Variants in SAMD12 observed in about 807,000 individuals in gnomAD.
SAMD12 encodes sterile alpha motif domain-containing protein 12.
A neutral mutation model predicts 15.0 loss-of-function variants in SAMD12; 9 were observed. The observed-to-expected ratio is 0.60, with a 90% CI of 0.36 to 1.05. The LOEUF (loss-of-function observed/expected upper bound fraction) is 1.05. Among genes scored for constraint, SAMD12 ranks in the 50% least tolerant of loss-of-function variants. The pLI is 0.01. For missense variants in SAMD12, 230 were observed against 234.2 expected, an observed-to-expected ratio of 0.98 and a Z score of 0.12; for synonymous variants, 86 against 90.1, an observed-to-expected ratio of 0.96 and a Z score of 0.25.
intron 4 of SAMD12, among the ~76,000 whole-genome samples, chr8:118,258,989 G>T (rs898733153): frequency 6.6e-6 from 1 of 152,024 alleles, no homozygotes; most frequent in African/African-American, 2.4e-5. Context: ...TGAAAAGCTG[G>T]CTGACCACTT....
chr8:118,539,846 G>A (rs1322474972), intron 2 of SAMD12, among the ~76,000 whole-genome samples: 1 of 152,178 alleles, frequency 6.6e-6, no homozygotes, highest in Non-Finnish European at 1.5e-5. Flanking sequence ...AGGGAAAAAA[G>A]ATATATGCAC....
intron 4 of SAMD12, among the ~76,000 whole-genome samples, chr8:118,258,221 A>C (rs777768762): frequency 6.6e-5 from 10 of 152,150 alleles, no homozygotes; most frequent in Non-Finnish European, 1.5e-4. Flanking sequence ...GCAGAACAGG[A>C]AATGGGCTGA....
chr8:118,204,433 C>G (rs1011027185), intron 4 of SAMD12, among the ~76,000 whole-genome samples: 9 of 151,996 alleles, frequency 5.9e-5, no homozygotes, highest in Admixed American at 5.9e-4. Context: ...AGGAATCAAC[C>G]CTCTGACCGC....
chr8:118,513,207 T>C (rs1182897194), intron 2 of SAMD12, among the ~76,000 whole-genome samples: 2 of 152,136 alleles, frequency 1.3e-5, no homozygotes, highest in Non-Finnish European at 2.9e-5. Context: ...CCATACAAAT[T>C]AAATCACCAG....
chr8:118,396,382 T>C (rs1401987635), intron 3 of SAMD12, among the ~76,000 whole-genome samples: 2 of 152,242 alleles, frequency 1.3e-5, no homozygotes, highest in Non-Finnish European at 2.9e-5. Flanking sequence ...GTGTACCTTG[T>C]GTAGGCTTCC....
intron 4 of SAMD12, among the ~76,000 whole-genome samples, chr8:118,214,915 G>A (rs1208787624): frequency 6.6e-6 from 1 of 152,216 alleles, no homozygotes; most frequent in Non-Finnish European, 1.5e-5. Context: ...GGTGAAGGCA[G>A]AGGTTAGATA....
intron 2 of SAMD12, among the ~76,000 whole-genome samples, chr8:118,559,352 C>A (rs1345627491): frequency 1.4e-4 from 22 of 152,180 alleles, no homozygotes; most frequent in Admixed American, 1.4e-3. Context: ...GATGGCAGTT[C>A]CAACTGTCCC....
chr8:118,424,973 C>G (rs1822178199), intron 3 of SAMD12, among the ~76,000 whole-genome samples: 1 of 147,836 alleles, frequency 6.8e-6, no homozygotes, highest in East Asian at 2.0e-4. Flanking sequence ...GAGTCTTGCT[C>G]TGTCGCCCAG....
chr8:118,183,393 T>C, the SAMD12 span, among the ~76,000 whole-genome samples: 4 of 152,242 alleles, frequency 2.6e-5, no homozygotes, highest in African/African-American at 9.6e-5. Context: ...GTGCATTGGG[T>C]ACATTTTTTG....
At chr8:118,142,018 C>G in the SAMD12 span, among the ~76,000 whole-genome samples, 1 of 152,164 alleles carries the variant, frequency 6.6e-6, no homozygotes, top group Non-Finnish European at 1.5e-5. Flanking sequence ...ACCTTCTAGG[C>G]TCAGTAGCTA....
At chr8:118,169,329 A>G in the SAMD12 span, among the ~76,000 whole-genome samples, 1 of 152,228 alleles carries the variant, frequency 6.6e-6, no homozygotes, top group African/African-American at 2.4e-5. Context: ...TCCTAGCATC[A>G]TGTTTTAAGT....
chr8:118,246,376 C>A (rs538278182), intron 4 of SAMD12, among the ~76,000 whole-genome samples: 1 of 152,198 alleles, frequency 6.6e-6, no homozygotes, highest in African/African-American at 2.4e-5. Context: ...AAGAAAGAGA[C>A]ATTTTTTCTT....
chr8:118,488,950 A>G (rs1239189906), intron 2 of SAMD12, among the ~76,000 whole-genome samples: 4 of 152,220 alleles, frequency 2.6e-5, no homozygotes, highest in Non-Finnish European at 5.9e-5. Flanking sequence ...CAGTTTTCTG[A>G]AGAGGTTGTA....
chr8:118,287,337 G>A (rs916647715), intron 4 of SAMD12, among the ~76,000 whole-genome samples: 3 of 152,070 alleles, frequency 2.0e-5, no homozygotes, highest in East Asian at 1.9e-4. Flanking sequence ...GTGTTAGCCA[G>A]GATGGTCTTG....
At chr8:118,619,537 C>A (rs1296467055) in intron 1 of SAMD12, among the ~76,000 whole-genome samples, 2 of 150,954 alleles carry the variant, frequency 1.3e-5, no homozygotes, top group African/African-American at 4.9e-5. Context: ...CTTATTGTAT[C>A]ACATTTAGGC....
In SAMD12 at chr8:118,561,200, GT is replaced by G. The variant is rs552256512; in HGVS notation, c.192+19514del. ...ACACATTTAATGATTTAATAATGCT[GT>G]TTTGACCACAATATTACAAAAATTG... On this transcript the variant is annotated intron_variant, in intron 2 of 3. Coordinates refer to ENST00000314727, the MANE Select transcript of SAMD12 (RefSeq NM_207506.3). 6.5e-4 allele frequency among the ~76,000 whole-genome samples: 99 copies of G among 152,236 alleles called. 3 individuals are homozygous for G. In the East Asian group the frequency reaches 0.017, roughly 26 times the overall value.
At chr8:118,167,450 C>G in the SAMD12 span, among the ~76,000 whole-genome samples, 1 of 152,232 alleles carries the variant, frequency 6.6e-6, no homozygotes, top group Admixed American at 6.5e-5. Context: ...AAAGACTGCT[C>G]TGTGATCAGA....
intron 4 of SAMD12, among the ~76,000 whole-genome samples, chr8:118,321,104 AAT>A (rs59358297): frequency 0.46 from 59,651 of 129,858 alleles, 15,933 homozygotes; most frequent in African/African-American, 0.73. Context: ...TAACATATAT[AAT>A]ATATATGATA....
rs149400721 is a variant in SAMD12, at chr8:118,389,454, G to A, written c.323-9754C>T. On this transcript the variant is annotated intron_variant, in intron 3 of 3. Transcript: ENST00000314727. ...TAATCCCAGCATTTTGGGAGCCTAC[G>A]CAGCCCAGCATTTTGGGAGCAGGCA... Among the ~76,000 whole-genome samples, 58 of 152,308 alleles carry A rather than the reference G, an allele frequency of 3.8e-4. 1 individual carries two copies. The highest frequency in any genetic ancestry group is 1.3e-3 in the African/African-American group (53 of 41,572).
Sources: allele counts gnomAD v4.1 joint callset (sites outside exome capture counted in the v4.1 genomes callset), GRCh38; gene constraint gnomAD v4.1.1; transcripts MANE v1.5; gene names NCBI Gene and HGNC (gene_info 2026-07-23, HGNC 2026-07-21).